ASTN2: variants seen among roughly 807,000 people sequenced by gnomAD.
The protein encoded by ASTN2 is astrotactin-2.
Under a neutral mutation model 139.8 loss-of-function variants are expected in ASTN2, and 54 were observed. That is an observed-to-expected ratio of 0.39 (90% CI 0.31 to 0.48). The LOEUF (loss-of-function observed/expected upper bound fraction) is 0.48. ASTN2 is among the 20% of genes least tolerant of loss of function. The pLI, the probability that ASTN2 is intolerant of heterozygous loss-of-function variation, is 0.95. For synonymous variants in ASTN2, 756 were observed against 719.5 expected (o/e 1.05, Z -0.81); for missense variants, 1,565 against 1,725.1 (o/e 0.91, Z 1.64).
At chr9:116,724,415 T>C (rs1828559509) in intron 16 of ASTN2, among the ~76,000 whole-genome samples, 1 of 152,150 alleles carries the variant, frequency 6.6e-6, no homozygotes, top group Admixed American at 6.5e-5. Context: ...AGAGCACGAC[T>C]GGGGATGCAA....
At chr9:116,602,235 G>A (rs1009190468) in intron 19 of ASTN2, among the ~76,000 whole-genome samples, 2 of 152,180 alleles carry the variant, frequency 1.3e-5, no homozygotes, top group Non-Finnish European at 2.9e-5. Context: ...ATGAAAAGAT[G>A]AAGTGAACCA....
At chr9:116,538,811 TG>T (rs1230350865) in intron 19 of ASTN2, among the ~76,000 whole-genome samples, 8 of 152,104 alleles carry the variant, frequency 5.3e-5, no homozygotes, top group Admixed American at 5.2e-4. Context: ...TCATTCCTGG[TG>T]GTCCACCTAG....
chr9:116,436,537 A>G (rs1451673005), intron 22 of ASTN2, among the ~76,000 whole-genome samples: 1 of 152,216 alleles, frequency 6.6e-6, no homozygotes, highest in Non-Finnish European at 1.5e-5. Context: ...TGTAGTAGGG[A>G]AGACAGATAA....
intron 1 of ASTN2, among the ~76,000 whole-genome samples, chr9:117,357,775 G>A (rs1829582495): frequency 6.6e-6 from 1 of 152,102 alleles, no homozygotes; most frequent in Non-Finnish European, 1.5e-5. Flanking sequence ...TTTAAAGAAT[G>A]AAAATTTACA....
chr9:117,320,600 G>A (rs1410912528), intron 1 of ASTN2, among the ~76,000 whole-genome samples: 4 of 152,172 alleles, frequency 2.6e-5, no homozygotes, highest in Admixed American at 2.6e-4. Context: ...TTTAAAGTCT[G>A]TATTGACTCC....
chr9:117,129,730 C>T (rs1342975543), intron 4 of ASTN2, among the ~76,000 whole-genome samples: 1 of 152,046 alleles, frequency 6.6e-6, no homozygotes, highest in African/African-American at 2.4e-5. Context: ...ATTTTGAAAC[C>T]ATGTTGTTCC....
At chr9:117,106,962 A>G (rs1829122841) in intron 4 of ASTN2, among the ~76,000 whole-genome samples, 1 of 152,188 alleles carries the variant, frequency 6.6e-6, no homozygotes, top group African/African-American at 2.4e-5. Context: ...ATTCATCTAT[A>G]CATGTATCTA....
intron 1 of ASTN2, among the ~76,000 whole-genome samples, chr9:117,350,058 A>G (rs1486603905): frequency 6.6e-6 from 1 of 152,236 alleles, no homozygotes; most frequent in Non-Finnish European, 1.5e-5. Context: ...GTTTTGACAC[A>G]TGTACCATGA....
At chr9:116,725,258 G>C (rs1828586862) in intron 16 of ASTN2, among the ~76,000 whole-genome samples, 1 of 152,104 alleles carries the variant, frequency 6.6e-6, no homozygotes, top group African/African-American at 2.4e-5. Flanking sequence ...AATGAAATCT[G>C]CTGGCCCTTC....
At chr9:116,462,262 A>G (rs926365330) in intron 20 of ASTN2, among the ~76,000 whole-genome samples, 23 of 152,306 alleles carry the variant, frequency 1.5e-4, no homozygotes, top group African/African-American at 4.3e-4. Context: ...AATCCCATGA[A>G]GTAGGTTTTA....
At chr9:117,077,469 C>T (rs546013540) in intron 5 of ASTN2, among the ~76,000 whole-genome samples, 2 of 152,096 alleles carry the variant, frequency 1.3e-5, no homozygotes, top group South Asian at 2.1e-4. Flanking sequence ...AGGAGCTGGC[C>T]GGGTGCGGTA....
At chr9:116,677,224 T>C (rs1033485143) in intron 16 of ASTN2, among the ~76,000 whole-genome samples, 6 of 152,204 alleles carry the variant, frequency 3.9e-5, no homozygotes, top group African/African-American at 1.4e-4. Context: ...CTTGCCACTC[T>C]TAATGCATAC....
At chr9:117,336,608 C>T (rs979184003) in intron 1 of ASTN2, among the ~76,000 whole-genome samples, 8 of 152,152 alleles carry the variant, frequency 5.3e-5, no homozygotes, top group Admixed American at 1.3e-4. Context: ...ACTTTGCCAG[C>T]GCCATACTAA....
chr9:117,178,604 A>G (rs1830976405), intron 3 of ASTN2, among the ~76,000 whole-genome samples: 1 of 152,204 alleles, frequency 6.6e-6, no homozygotes, highest in African/African-American at 2.4e-5. Flanking sequence ...GCTCAGAGGG[A>G]CAAAATCAGA....
At chr9:117,285,721 G>A (rs536682832) in intron 2 of ASTN2, among the ~76,000 whole-genome samples, 10 of 152,104 alleles carry the variant, frequency 6.6e-5, no homozygotes, top group Admixed American at 1.3e-4. Flanking sequence ...TTCTTGATTC[G>A]GCCTACTCCA....
chr9:117,160,700 A>T (rs1196980083), intron 3 of ASTN2, among the ~76,000 whole-genome samples: 3 of 152,098 alleles, frequency 2.0e-5, no homozygotes, highest in Non-Finnish European at 4.4e-5. Flanking sequence ...AGAATGTAGT[A>T]GGCACTCAGT....
chr9:116,868,787 C>T lies in ASTN2; in HGVS notation c.1890-5054G>A, dbSNP rs766540747. The stretch of plus-strand genomic sequence containing the variant: ...GCCTCTTCAGAGCCTCCCATGGCTC[C>T]CAGCCATGCTTAGCTTTCCTTGGCT... On this transcript the variant is annotated intron_variant, in intron 10 of 22. Transcript: ENST00000313400. Among the ~76,000 whole-genome samples, 99 of 152,212 alleles carry T rather than the reference C, an allele frequency of 6.5e-4. 1 individual carries two copies. Among genetic ancestry groups the T allele is most frequent in the Non-Finnish European group, 1.2e-3 (79 of 68,038 alleles).
intron 13 of ASTN2, among the ~76,000 whole-genome samples, chr9:116,797,474 G>T (rs1830732955): frequency 6.6e-6 from 1 of 152,060 alleles, no homozygotes; most frequent in African/African-American, 2.4e-5. Flanking sequence ...CTCTAATCCA[G>T]CCTCCAACTG....
intron 11 of ASTN2, 110 bp downstream of exon 11, chr9:116,863,473 G>T: frequency 7.1e-7 from 1 of 1,406,308 alleles, no homozygotes. Flanking sequence ...GCAGATAAGG[G>T]TAGTGTGGAT....
Sources: gnomAD v4.1 joint callset for allele counts (sites outside exome capture counted in the v4.1 genomes callset) on GRCh38, gnomAD v4.1.1 for gene constraint, MANE v1.5 for transcripts, NCBI Gene and HGNC (gene_info 2026-07-23, HGNC 2026-07-21) for gene names.